The following PCDHGA3 variants were observed in gnomAD, a reference collection of about 807,000 sequenced individuals.
PCDHGA3 encodes protocadherin gamma subfamily A, 3.
In PCDHGA3, 40 loss-of-function variants were observed where a neutral mutation model predicts 58.5. The observed-to-expected ratio is 0.68, with a 90% confidence interval of 0.53 to 0.89. The LOEUF is 0.89. PCDHGA3 is among the 40% of genes least tolerant of loss of function. The pLI is 0.00. For synonymous variants in PCDHGA3, 530 were observed against 525.7 expected, an observed-to-expected ratio of 1.01 and a Z score of -0.11; for missense variants, 1,223 against 1,195.9, an observed-to-expected ratio of 1.02 and a Z score of -0.33.
chr5:141,469,372 C>T (rs780872014), intron 1 of PCDHGA3, among the ~76,000 whole-genome samples: 2 of 151,990 alleles, frequency 1.3e-5, no homozygotes, highest in African/African-American at 2.4e-5. Context: ...GTAAAGAGAT[C>T]GAGACCATCC....
intron 1 of PCDHGA3, chr5:141,390,025 G>GA (rs2092024046): frequency 1.2e-6 from 2 of 1,613,882 alleles, no homozygotes; most frequent in Non-Finnish European, 1.7e-6. Context: ...TTGCGCCTGC[G>GA]ACGCTCCTCC....
In PCDHGA3 at chr5:141,351,653, G is replaced by A. The variant is rs1425916218; in HGVS notation, c.2424+5196G>A. 3 of 1,613,996 alleles carry A rather than the reference G, an allele frequency of 1.9e-6. No homozygotes were observed. In the South Asian group the frequency reaches 3.3e-5, roughly 18 times the overall value. ...CGTGTCTGAGAACAACCCACCTGGC[G>A]CCTCCATTGCACAAGTAAGCGCCTC... On this transcript the variant is annotated intron_variant, in intron 1 of 3. Coordinates refer to ENST00000253812, the MANE Select transcript of PCDHGA3 (RefSeq NM_018916.4).
At chr5:141,395,110 GTCACCTGATCTT>G in intron 1 of PCDHGA3, 2 of 1,614,214 alleles carry the variant, frequency 1.2e-6, no homozygotes, top group African/African-American at 1.3e-5. Flanking sequence ...TCGCGGAAGA[GTCACCTGATCTT>G]TCCCCAGCCC....
In PCDHGA3 at chr5:141,383,284, A is replaced by G. The variant is rs760384498; in HGVS notation, c.2424+36827A>G. ...CGTGGAAATAATAGATATTAATGAC[A>G]ACGTTCCAAGATTCTTGACGGAAGA... On this transcript the variant is annotated intron_variant, in intron 1 of 3. Transcript: ENST00000253812. 4 of 1,613,962 alleles carry G rather than the reference A, an allele frequency of 2.5e-6. No homozygotes were observed. In the East Asian group the frequency reaches 8.9e-5, roughly 36 times the overall value.
At chr5:141,376,284 G>T (rs1393856164) in intron 1 of PCDHGA3, 12 of 1,614,102 alleles carry the variant, frequency 7.4e-6, no homozygotes, top group Non-Finnish European at 1.0e-5. Flanking sequence ...GGCTTAGCGA[G>T]CATGCCCGGC....
At position 141,372,291 on chromosome 5, in the gene PCDHGA3, G is replaced by C. The variant is rs1370699746; in HGVS notation, c.2424+25834G>C. 2.5e-6 allele frequency: 4 copies of C among 1,613,302 alleles called. No individual in the cohort carries two copies. In the Admixed American group the frequency reaches 6.7e-5, roughly 27 times the overall value. On this transcript the variant is annotated intron_variant, in intron 1 of 3. Transcript: ENST00000253812. ...TGAGGTGCGCACGGCGCGTACCTTG[G>C]GCGACAGGGAGGCCGCCCGCCAGCG...
chr5:141,410,167 T>A (rs372848702), intron 1 of PCDHGA3: 1 of 1,613,770 alleles, frequency 6.2e-7, no homozygotes, highest in South Asian at 1.1e-5. Flanking sequence ...CGCCACTCTC[T>A]GCCACCGCCA....
chr5:141,394,447 A>T, intron 1 of PCDHGA3: 1 of 1,614,248 alleles, frequency 6.2e-7, no homozygotes, highest in Non-Finnish European at 8.5e-7. Flanking sequence ...CTCAGCAGCA[A>T]CATGTCACTG....
chr5:141,382,964 C>A (rs373652237), intron 1 of PCDHGA3: 1 of 1,608,238 alleles, frequency 6.2e-7, no homozygotes. Context: ...CTCCTGGGGA[C>A]CCCCTGGGAA....
intron 2 of PCDHGA3, among the ~76,000 whole-genome samples, chr5:141,499,326 C>T (rs1465474737): frequency 6.6e-6 from 1 of 152,156 alleles, no homozygotes. Context: ...TATCCCTGCT[C>T]TCTCTCAGTT....
chr5:141,381,122 C>G (rs1328848955), intron 1 of PCDHGA3, among the ~76,000 whole-genome samples: 2 of 152,200 alleles, frequency 1.3e-5, no homozygotes, highest in Admixed American at 1.3e-4. Context: ...TCCCTGTATT[C>G]TGGAGCAATG....
chr5:141,393,272 A>G, intron 1 of PCDHGA3: 1 of 1,613,892 alleles, frequency 6.2e-7, no homozygotes, highest in Non-Finnish European at 8.5e-7. Context: ...CACGTTATCC[A>G]CTCCCAGAAG....
intron 1 of PCDHGA3, chr5:141,418,458 T>C: frequency 6.2e-7 from 1 of 1,614,010 alleles, no homozygotes; most frequent in African/African-American, 1.3e-5. Context: ...CAGAAGACTC[T>C]GGACCGAGAA....
At chr5:141,374,619 C>G in intron 1 of PCDHGA3, 2 of 1,613,466 alleles carry the variant, frequency 1.2e-6, no homozygotes, top group Non-Finnish European at 1.7e-6. Flanking sequence ...AGTCACTTCT[C>G]AGTGGACGTG....
In PCDHGA3 at chr5:141,374,803, A is replaced by G. The variant is rs371815306; in HGVS notation, c.2424+28346A>G. The G allele has an allele frequency of 9.7e-5, 157 of 1,613,866 alleles. 1 individual carries two copies. Among genetic ancestry groups the G allele is most frequent in the Middle Eastern group, 1.6e-4 (1 of 6,084 alleles). On this transcript the variant is annotated intron_variant, in intron 1 of 3. Coordinates refer to ENST00000253812, the MANE Select transcript of PCDHGA3 (RefSeq NM_018916.4). ...TTCTAGATGTGAATGACAACACTCC[A>G]ATGTTTACTCAGCCTGTCTACCGTG...
intron 1 of PCDHGA3, chr5:141,361,582 C>T (rs746722919): frequency 3.1e-6 from 5 of 1,614,022 alleles, no homozygotes; most frequent in Non-Finnish European, 8.5e-7. Context: ...TGACTTGGGC[C>T]CCAGTGGCCA....
intron 1 of PCDHGA3, among the ~76,000 whole-genome samples, chr5:141,380,672 T>C (rs1401105927): frequency 1.3e-5 from 2 of 152,212 alleles, no homozygotes; most frequent in Non-Finnish European, 1.5e-5. Context: ...CTCCATAGGG[T>C]ATGTATGCTT....
chr5:141,430,383 G>GAAA (rs139772145), intron 1 of PCDHGA3, among the ~76,000 whole-genome samples: 2 of 138,566 alleles, frequency 1.4e-5, no homozygotes, highest in South Asian at 4.6e-4. Flanking sequence ...AGCTCATTGG[G>GAAA]AAAAAAAAAA....
chr5:141,410,714 T>C (rs1561730445), intron 1 of PCDHGA3: 7 of 1,434,512 alleles, frequency 4.9e-6, no homozygotes, highest in Middle Eastern at 1.8e-4. Flanking sequence ...TAGAATCATA[T>C]GTTTAAAATC....
Sources: allele counts gnomAD v4.1 joint callset (sites outside exome capture counted in the v4.1 genomes callset), GRCh38; gene constraint gnomAD v4.1.1; transcripts MANE v1.5; gene names NCBI Gene and HGNC (gene_info 2026-07-23, HGNC 2026-07-21).